Variants in COL4A5 observed in about 807,000 individuals in gnomAD.
COL4A5 encodes the protein collagen type IV alpha 5 chain.
COL4A5 carries 26 observed loss-of-function variants against 130.2 expected under a neutral mutation model. The ratio of observed to expected loss-of-function variants is 0.20; its 90% CI spans 0.15 to 0.28. The LOEUF is 0.28. COL4A5 is among the 10% of genes least tolerant of loss of function. The pLI is 1.00. For missense variants in COL4A5, 1,131 were observed against 1,344.3 expected (o/e 0.84, Z 2.48); for synonymous variants, 496 against 439.6 (o/e 1.13, Z -1.60).
chrX:108,640,978 GT>G (rs2067453779), intron 36 of COL4A5, among the ~76,000 whole-genome samples: 1 of 111,733 alleles, frequency 8.9e-6, no homozygotes, highest in Non-Finnish European at 1.9e-5. Context: ...ATGAAAAGGT[GT>G]TTAACCTCAT....
intron 36 of COL4A5, among the ~76,000 whole-genome samples, chrX:108,650,352 G>A (rs1471107294): frequency 4.5e-5 from 5 of 111,418 alleles, no homozygotes; most frequent in South Asian, 3.8e-4. Flanking sequence ...AGCTACTCTC[G>A]AAAAGAGTGT....
intron 33 of COL4A5, 52 bp downstream of exon 33, chrX:108,622,877 A>G (rs1187731093): frequency 9.1e-7 from 1 of 1,098,321 alleles, no homozygotes; most frequent in Non-Finnish European, 1.2e-6. Context: ...TCTGAAGTTT[A>G]ATTTTTAAAT....
chrX:108,471,882 G>A lies in COL4A5; in HGVS notation c.81+31676G>A, dbSNP rs772900652. 2.7e-5 allele frequency among the ~76,000 whole-genome samples: 3 copies of A among 110,815 alleles called. No individual in the cohort carries two copies. The East Asian group carries it at 8.5e-4, about 31-fold the overall frequency. ...ATTTCCTTTCTTTTGCTAGCTTTGG[G>A]TTTAGTTTGCTCTTCCTTTTCTAGT... On this transcript the variant is annotated intron_variant, in intron 1 of 52. Transcript: ENST00000328300.
At chrX:108,601,851 C>T (rs371509258) in intron 26 of COL4A5, 34 bp from the exon 27 acceptor site, 8 of 868,865 alleles carry the variant, frequency 9.2e-6, no homozygotes, top group Middle Eastern at 3.0e-4. Flanking sequence ...TTTCTTTGAA[C>T]GTTTTCCTTT....
At position 108,494,395 on chromosome X, in the gene COL4A5, G is replaced by T. The variant is rs2065017282; in HGVS notation, c.82-45351G>T. On this transcript the variant is annotated intron_variant, in intron 1 of 52. Coordinates refer to ENST00000328300, the MANE Select transcript of COL4A5 (RefSeq NM_033380.3). ...CGTAAGAAAAGATGTAATACAATTA[G>T]TACAAGGGGCAGGAGGTAACAGGAA... 2.7e-5 allele frequency among the ~76,000 whole-genome samples: 3 copies of T among 111,845 alleles called. No individual in the cohort carries two copies. In the Admixed American group the frequency reaches 2.8e-4, roughly 11 times the overall value.
At chrX:108,568,191 A>C (rs761799245) in intron 4 of COL4A5, among the ~76,000 whole-genome samples, 5 of 111,886 alleles carry the variant, frequency 4.5e-5, no homozygotes, top group Non-Finnish European at 9.4e-5. Flanking sequence ...CCTACAGAGA[A>C]TATTGTCAAA....
intron 36 of COL4A5, among the ~76,000 whole-genome samples, chrX:108,633,625 G>GA (rs2067305008): frequency 9.0e-6 from 1 of 110,999 alleles, no homozygotes; most frequent in Admixed American, 9.6e-5. Flanking sequence ...GGTGATAGCA[G>GA]AAAAATATGT....
chrX:108,694,877 C>T lies in COL4A5; in HGVS notation c.4777C>T (p.Pro1593Ser). The change falls in exon 51 of 53, where the codon CCT becomes TCT. Residue 1593 changes from proline to serine, a missense_variant. Pro to Ser is a moderately conservative substitution (Grantham distance 74). Transcript: ENST00000328300. ...TCAGACGATCCAGATTCCCCATTGT[C>T]CTCAGGGATGGGATTCTCTGTGGAT... is the stretch of plus-strand genomic sequence containing the variant. ...HSQTIQIPHC[P>S]QGWDSLWIGY... The T allele has an allele frequency of 1.7e-6, 2 of 1,209,109 alleles. No individual in the cohort carries two copies. The highest frequency in any genetic ancestry group is 2.2e-6 in the Non-Finnish European group (2 of 893,251).
chrX:108,567,304 C>T (rs2065989288), intron 4 of COL4A5, among the ~76,000 whole-genome samples: 1 of 111,579 alleles, frequency 9.0e-6, no homozygotes, highest in Non-Finnish European at 1.9e-5. Flanking sequence ...TACACTGGAT[C>T]CAATTTATTT....
intron 1 of COL4A5, among the ~76,000 whole-genome samples, chrX:108,461,365 A>T (rs1381739349): frequency 9.0e-6 from 1 of 111,649 alleles, no homozygotes; most frequent in African/African-American, 3.3e-5. Context: ...GTAATATGCT[A>T]ATAAACAAAG....
chrX:108,646,407 G>A (rs1390753679), intron 36 of COL4A5, among the ~76,000 whole-genome samples: 8 of 111,533 alleles, frequency 7.2e-5, no homozygotes, highest in Admixed American at 3.8e-4. Context: ...CATATACTTT[G>A]CCCACTTTTT....
intron 49 of COL4A5, among the ~76,000 whole-genome samples, chrX:108,691,250 A>C (rs1026247543): frequency 1.8e-5 from 2 of 110,778 alleles, no homozygotes; most frequent in African/African-American, 6.6e-5. Flanking sequence ...TCCATATTTG[A>C]TAGCAGAAGA....
Position 108,598,787 on chromosome X carries a change from C to A in COL4A5, c.1865C>A (p.Pro622His). Residue 622 changes from proline (P) to histidine (H), a missense_variant, in exon 25 of 53, where the codon CCC becomes CAC. By Grantham distance (77) the Pro-to-His change is moderately conservative. Coordinates refer to ENST00000328300, the MANE Select transcript of COL4A5 (RefSeq NM_033380.3). Reference protein sequence around the residue: ...GLPGNIGPMGPPGFGPPGPVG... With the variant: ...GLPGNIGPMGHPGFGPPGPVG... The stretch of plus-strand genomic sequence containing the variant: ...CCAGGGAATATAGGGCCTATGGGTC[C>A]CCCTGGTTTCGGCCCTCCAGGCCCA... 1 of 1,210,570 alleles carries A rather than the reference C, an allele frequency of 8.3e-7. No individual in the cohort carries two copies.
intron 17 of COL4A5, among the ~76,000 whole-genome samples, chrX:108,583,495 C>T (rs1398446019): frequency 9.0e-6 from 1 of 111,551 alleles, no homozygotes; most frequent in African/African-American, 3.3e-5. Context: ...TTTAGCAGGG[C>T]ACAAAATAAC....
intron 36 of COL4A5, 147 bp downstream of exon 36, chrX:108,626,496 A>G: frequency 8.6e-7 from 1 of 1,157,110 alleles, no homozygotes. Context: ...CTTTTCTCTT[A>G]GATGATAAGA....
At chrX:108,568,727 A>G in intron 5 of COL4A5, 32 bp from the exon 6 acceptor site, 3 of 1,205,053 alleles carry the variant, frequency 2.5e-6, no homozygotes, top group Non-Finnish European at 3.4e-6. Flanking sequence ...AATCTAAGAC[A>G]TATTATACAT....
chrX:108,687,446 A>G, intron 48 of COL4A5, 36 bp from the exon 49 acceptor site: 23 of 1,121,146 alleles, frequency 2.1e-5, no homozygotes, highest in Non-Finnish European at 2.8e-5. Context: ...ATCAGAGCTT[A>G]CTTAATCTTG....
At chrX:108,495,994 A>G (rs1301419538) in intron 1 of COL4A5, among the ~76,000 whole-genome samples, 3 of 112,293 alleles carry the variant, frequency 2.7e-5, no homozygotes, top group African/African-American at 6.5e-5. Flanking sequence ...GGTTGATTAC[A>G]TCGGACCCCT....
At chrX:108,554,310 G>A (rs2065792657) in intron 2 of COL4A5, among the ~76,000 whole-genome samples, 2 of 111,672 alleles carry the variant, frequency 1.8e-5, no homozygotes, top group Middle Eastern at 4.6e-3. Context: ...AGGCTTAGGG[G>A]AAGCGGGCAC....
Sources: gnomAD v4.1 joint callset for allele counts (sites outside exome capture counted in the v4.1 genomes callset) on GRCh38, gnomAD v4.1.1 for gene constraint, MANE v1.5 for transcripts, NCBI Gene and HGNC (gene_info 2026-07-23, HGNC 2026-07-21) for gene names.